FSTL5: variants seen among roughly 807,000 people sequenced by gnomAD.
FSTL5 encodes follistatin like 5.
In FSTL5, 62 loss-of-function variants were observed where a neutral mutation model predicts 89.1. That is an observed-to-expected ratio of 0.70 (90% CI 0.57 to 0.86). FSTL5 has a LOEUF of 0.86. Ranked by LOEUF, FSTL5 falls within the 40% of genes least tolerant of loss-of-function variation. FSTL5 has a pLI of 0.00. For synonymous variants in FSTL5, 383 were observed against 346.2 expected (o/e 1.11, Z -1.18); for missense variants, 1,057 against 1,001.6 (o/e 1.06, Z -0.75).
intron 6 of FSTL5, among the ~76,000 whole-genome samples, chr4:161,736,225 C>T (rs1293200243): frequency 2.0e-5 from 3 of 152,130 alleles, no homozygotes; most frequent in Non-Finnish European, 4.4e-5. Flanking sequence ...AAGCTCAATG[C>T]TATATGACTA....
At chr4:161,939,502 C>T (rs1734520405) in intron 3 of FSTL5, among the ~76,000 whole-genome samples, 1 of 151,746 alleles carries the variant, frequency 6.6e-6, no homozygotes, top group Non-Finnish European at 1.5e-5. Context: ...TTAGTGTTTT[C>T]TTCTTGATAA....
Position 161,384,088 on chromosome 4 carries a change from A to T in FSTL5, c.*1659T>A, listed in dbSNP as rs1157774429. 5.9e-5 allele frequency: 9 copies of T among 152,278 alleles called. No individual in the cohort carries two copies. In the East Asian group the frequency reaches 1.7e-3, roughly 29 times the overall value. 9.4% of individuals were successfully genotyped at this position (152,278 alleles called of 1,614,324 possible). A position where few individuals can be genotyped will look rare whatever the true frequency, so the allele number is the denominator to read the frequency against. ...AGTAAAGCAGATTCAATAAGTAGAA[A>T]CATAAGCTGATTTTTGTTGTTTATT... On this transcript the variant is annotated 3_prime_UTR_variant, in exon 16 of 16. Coordinates refer to ENST00000306100, the MANE Select transcript of FSTL5 (RefSeq NM_020116.5).
intron 7 of FSTL5, among the ~76,000 whole-genome samples, chr4:161,600,275 A>G (rs1369340554): frequency 2.0e-5 from 3 of 151,972 alleles, no homozygotes; most frequent in Non-Finnish European, 2.9e-5. Flanking sequence ...GTATACATTT[A>G]TGGTAAAAAT....
intron 7 of FSTL5, among the ~76,000 whole-genome samples, chr4:161,653,785 C>T (rs1736417884): frequency 1.3e-5 from 2 of 151,984 alleles, no homozygotes; most frequent in African/African-American, 4.8e-5. Flanking sequence ...ACTGTTGAAA[C>T]TATAGTACTT....
intron 1 of FSTL5, among the ~76,000 whole-genome samples, chr4:162,115,125 G>A (rs1426633069): frequency 6.6e-6 from 1 of 152,052 alleles, no homozygotes; most frequent in African/African-American, 2.4e-5. Context: ...AGCCAAAAAA[G>A]ACCAGAGAAA....
intron 4 of FSTL5, among the ~76,000 whole-genome samples, chr4:161,907,129 T>A (rs750381390): frequency 1.3e-5 from 2 of 152,106 alleles, no homozygotes; most frequent in Non-Finnish European, 2.9e-5. Context: ...TAAAGTAATT[T>A]TGACATAAAT....
chr4:161,688,089 GT>G (rs917284516), intron 6 of FSTL5, among the ~76,000 whole-genome samples: 3 of 152,042 alleles, frequency 2.0e-5, no homozygotes, highest in Non-Finnish European at 4.4e-5. Flanking sequence ...TTTCTGTTTT[GT>G]TTTGTTTTAA....
rs764621881 is a variant in FSTL5, at chr4:161,530,163, T to G, written c.1312+8003A>C. Reference sequence around the variant, plus strand: ...TCTATTCTATTTCTAAAGTTTATGATAGTCATATTCATACGATCTTTATAG... The same window carrying G: ...TCTATTCTATTTCTAAAGTTTATGAGAGTCATATTCATACGATCTTTATAG... On this transcript the variant is annotated intron_variant, in intron 10 of 15. Coordinates refer to ENST00000306100, the MANE Select transcript of FSTL5 (RefSeq NM_020116.5). 1.4e-5 allele frequency among the ~76,000 whole-genome samples: 2 copies of G among 142,776 alleles called. 1 individual carries two copies. The highest frequency in any genetic ancestry group is 3.1e-5 in the Non-Finnish European group (2 of 65,026). The allele number at this position is 142,776 out of a possible 152,430, so 93.7% of individuals were successfully genotyped here. A position where few individuals can be genotyped will look rare whatever the true frequency, so the allele number is the denominator to read the frequency against.
chr4:161,917,197 C>A (rs1192313962), intron 4 of FSTL5, among the ~76,000 whole-genome samples: 1 of 152,132 alleles, frequency 6.6e-6, no homozygotes. Flanking sequence ...GCCTCGTGAT[C>A]CACCCGCCTC....
At chr4:161,499,956 C>T (rs1350426347) in intron 12 of FSTL5, 60 bp downstream of exon 12, 3 of 954,810 alleles carry the variant, frequency 3.1e-6, no homozygotes, top group African/African-American at 1.6e-5. Context: ...ATTTCCAAAA[C>T]GTAATTCTAC....
At chr4:161,956,121 C>A (rs1018720508) in intron 3 of FSTL5, among the ~76,000 whole-genome samples, 19 of 151,764 alleles carry the variant, frequency 1.3e-4, no homozygotes, top group African/African-American at 4.6e-4. Flanking sequence ...AATTAAAAAT[C>A]TATTTTTTCT....
chr4:161,736,245 T>C (rs1034765197), intron 6 of FSTL5, among the ~76,000 whole-genome samples: 1 of 152,202 alleles, frequency 6.6e-6, no homozygotes, highest in African/African-American at 2.4e-5. Context: ...ATTTAGAAGA[T>C]AGTTTACTGT....
chr4:161,811,974 T>G (rs1022057077), intron 4 of FSTL5, among the ~76,000 whole-genome samples: 2 of 147,512 alleles, frequency 1.4e-5, no homozygotes, highest in Non-Finnish European at 2.9e-5. Flanking sequence ...ACCAATGGGT[T>G]AAGTGTTGAA....
rs1032101400 is a variant in FSTL5, at chr4:162,007,891, G to A, written c.160+25734C>T. ...TATTCATATATATACAGTGAAAACT[G>A]GTCAAACTAAACTAGTTGTCAGAAG... On this transcript the variant is annotated intron_variant, in intron 3 of 15. Transcript: ENST00000306100. Among the ~76,000 whole-genome samples the A allele has an allele frequency of 2.0e-5, 3 of 151,700 alleles. No individual in the cohort carries two copies. The East Asian group carries it at 5.8e-4, about 29-fold the overall frequency.
At chr4:161,721,242 C>A (rs1739198556) in intron 6 of FSTL5, among the ~76,000 whole-genome samples, 1 of 131,800 alleles carries the variant, frequency 7.6e-6, no homozygotes, top group South Asian at 2.4e-4. Context: ...TGCGCCACTG[C>A]AGTCCGCAGT....
rs1001688051 is a variant in FSTL5, at chr4:161,385,641, T to C, written c.*106A>G. ...TTATTTGGACCAACCAAGTAAATTT[T>C]GTTTGACTAGGATATAAACTTGGAA... On this transcript the variant is annotated 3_prime_UTR_variant, in exon 16 of 16. Coordinates refer to ENST00000306100, the MANE Select transcript of FSTL5 (RefSeq NM_020116.5). The C allele has an allele frequency of 5.0e-6, 4 of 801,734 alleles. No homozygotes were observed. Among genetic ancestry groups the C allele is most frequent in the Non-Finnish European group, 7.9e-6 (4 of 504,974 alleles). The allele number at this position is 801,734 out of a possible 1,614,324, so 49.7% of individuals were successfully genotyped here. A position where few individuals can be genotyped will look rare whatever the true frequency, so the allele number is the denominator to read the frequency against.
intron 4 of FSTL5, among the ~76,000 whole-genome samples, chr4:161,858,205 C>G (rs752759918): frequency 1.2e-4 from 18 of 152,112 alleles, no homozygotes; most frequent in Non-Finnish European, 2.2e-4. Context: ...CAGTCTGGAA[C>G]CCAGAATAGA....
At chr4:161,491,138 C>T (rs1729860942) in intron 12 of FSTL5, among the ~76,000 whole-genome samples, 1 of 151,640 alleles carries the variant, frequency 6.6e-6, no homozygotes, top group South Asian at 2.1e-4. Context: ...GGTTCCAGGC[C>T]ACATTATCCA....
chr4:161,790,306 T>A (rs1035378666), intron 4 of FSTL5, among the ~76,000 whole-genome samples: 1 of 152,098 alleles, frequency 6.6e-6, no homozygotes, highest in African/African-American at 2.4e-5. Context: ...TCCACCTGAG[T>A]CCACACAACA....
Sources: gnomAD v4.1 joint callset for allele counts (sites outside exome capture counted in the v4.1 genomes callset) on GRCh38, gnomAD v4.1.1 for gene constraint, MANE v1.5 for transcripts, NCBI Gene and HGNC (gene_info 2026-07-23, HGNC 2026-07-21) for gene names.